Variants in ABHD16A observed in about 807,000 individuals in gnomAD.
The protein encoded by ABHD16A is abhydrolase domain containing 16A, phospholipase, also known as phosphatidylserine lipase ABHD16A.
ABHD16A carries 47 observed loss-of-function variants against 89.8 expected under a neutral mutation model. That is an observed-to-expected ratio of 0.52 (90% confidence interval 0.41 to 0.67). The LOEUF (loss-of-function observed/expected upper bound fraction) is 0.67. Ranked by LOEUF, ABHD16A falls within the 30% of genes least tolerant of loss-of-function variation. The pLI is 0.00. For missense variants in ABHD16A, 580 were observed against 734.6 expected (o/e 0.79, Z 2.43); for synonymous variants, 251 against 280.4 (o/e 0.90, Z 1.05).
In ABHD16A at chr6:31,689,139, GAAGAGT is replaced by G; in HGVS notation, c.1082-26_1082-21del. The G allele has an allele frequency of 6.2e-7, 1 of 1,605,550 alleles. No homozygotes were observed. The highest frequency in any genetic ancestry group is 1.1e-5 in the South Asian group (1 of 90,198). ...ACGTGGCTGGTACCAGGGCAGGGAA[GAAGAGT>G]AAGAACTGAGAAAGGCTCCTTTCTC... On this transcript the variant is annotated intron_variant, in intron 12 of 19. Transcript: ENST00000395952.
At position 31,688,341 on chromosome 6, in the gene ABHD16A, G is replaced by T; in HGVS notation, c.1251-36C>A. 1 of 1,605,220 alleles carries T rather than the reference G, an allele frequency of 6.2e-7. No individual in the cohort carries two copies. Among genetic ancestry groups the T allele is most frequent in the Non-Finnish European group, 8.5e-7 (1 of 1,172,106 alleles). ...CAGAGCAGTGGGAAGGGAGAGCTCA[G>T]AGGGAGACGGGTGACAACTGGCCCA... On this transcript the variant is annotated intron_variant, in intron 14 of 19. Coordinates refer to ENST00000395952, the MANE Select transcript of ABHD16A (RefSeq NM_021160.3). The surrounding 1 kb of genome is among the most constrained non-coding windows in gnomAD (Gnocchi z 4.9).
Position 31,702,710 on chromosome 6 carries a change from T to C in ABHD16A, c.132+440A>G. The C allele has an allele frequency of 2.6e-6, 4 of 1,544,004 alleles. No homozygotes were observed. In the Admixed American group the frequency reaches 6.0e-5, roughly 23 times the overall value. The stretch of plus-strand genomic sequence containing the variant: ...CCGACGGATACAGGATCTGTAAAAG[T>C]CATTCTGAAATTCAAGGCGAGGGTA... On this transcript the variant is annotated intron_variant, in intron 1 of 19. Coordinates refer to ENST00000395952, the MANE Select transcript of ABHD16A (RefSeq NM_021160.3).
At chr6:31,700,351 C>T (rs1804836424) in intron 4 of ABHD16A, among the ~76,000 whole-genome samples, 1 of 151,930 alleles carries the variant, frequency 6.6e-6, no homozygotes, top group Non-Finnish European at 1.5e-5. Flanking sequence ...GTCTCAAATT[C>T]CTGACCTCGT....
intron 1 of ABHD16A, chr6:31,702,949 G>T: frequency 7.7e-7 from 1 of 1,295,172 alleles, no homozygotes. Flanking sequence ...ATGAGAAAGC[G>T]GTAAAGAGCG....
At chr6:31,696,497 G>C (rs1424234173) in intron 5 of ABHD16A, among the ~76,000 whole-genome samples, 1 of 151,980 alleles carries the variant, frequency 6.6e-6, no homozygotes, top group Admixed American at 6.6e-5. Context: ...GAGGGTGTGG[G>C]TGGTGCGTGC....
At chr6:31,702,542 G>A in intron 1 of ABHD16A, 2 of 1,312,428 alleles carry the variant, frequency 1.5e-6, no homozygotes, top group South Asian at 3.5e-5. Flanking sequence ...GTAGGAGCGG[G>A]CAGTTTGTAG....
chr6:31,700,778 TC>T (rs59783939), intron 4 of ABHD16A, among the ~76,000 whole-genome samples, 163 bp downstream of exon 4: 15,057 of 151,900 alleles, frequency 0.099, 881 homozygotes, highest in African/African-American at 0.15. Context: ...AGTTATTTTT[TC>T]ATATTTATAA....
Position 31,690,204 on chromosome 6 carries a change from G to T in ABHD16A, c.908-77C>A. ...TCCATCCCTGGGGGAAGGAAGAGCA[G>T]AAGTACCCCCCAGCTTAGATGCAAA... On this transcript the variant is annotated intron_variant, in intron 10 of 19. Transcript: ENST00000395952. The surrounding 1 kb of genome is among the most constrained non-coding windows in gnomAD (Gnocchi z 4.1). 7.3e-7 allele frequency: 1 copy of T among 1,377,612 alleles called. No individual in the cohort carries two copies. The highest frequency in any genetic ancestry group is 9.9e-7 in the Non-Finnish European group (1 of 1,010,218). 85.3% of individuals were successfully genotyped at this position (1,377,612 alleles called of 1,614,324 possible).
Position 31,693,197 on chromosome 6 carries a change from C to T in ABHD16A, c.504-48G>A. Reference sequence around the variant, plus strand: ...GAAGGATAGGGTCAGGAGCAGCAAGCTGGATGTCTGAGGTCTGGAGAACAG... The same window carrying T: ...GAAGGATAGGGTCAGGAGCAGCAAGTTGGATGTCTGAGGTCTGGAGAACAG... On this transcript the variant is annotated intron_variant, in intron 6 of 19. Transcript: ENST00000395952. The surrounding 1 kb of genome is among the most constrained non-coding windows in gnomAD (Gnocchi z 5.0). 6.3e-7 allele frequency: 1 copy of T among 1,598,778 alleles called. No homozygotes were observed.
chr6:31,701,212 G>A, intron 3 of ABHD16A, 62 bp downstream of exon 3: 1 of 1,516,682 alleles, frequency 6.6e-7, no homozygotes. Flanking sequence ...TCTTTAGGGA[G>A]CTGGCTCATC....
chr6:31,699,825 C>T (rs1476017529), intron 4 of ABHD16A, among the ~76,000 whole-genome samples: 3 of 152,008 alleles, frequency 2.0e-5, no homozygotes, highest in African/African-American at 7.2e-5. Flanking sequence ...CTCACTGCAA[C>T]CTCTGCCTCT....
Position 31,690,718 on chromosome 6 carries a change from C to A in ABHD16A, c.844-116G>T. 5 of 887,104 alleles carry A rather than the reference C, an allele frequency of 5.6e-6. No individual in the cohort carries two copies. Among genetic ancestry groups the A allele is most frequent in the Non-Finnish European group, 9.2e-6 (5 of 543,398 alleles). The allele number at this position is 887,104 out of a possible 1,614,324, so 55.0% of individuals were successfully genotyped here. A position where few individuals can be genotyped will look rare whatever the true frequency, so the allele number is the denominator to read the frequency against. ...GCAGGGAAGAGGAAAGGGCAGGTTTCTGTTTTCTCCAAGGGGAATGGAAGC... is the reference window on the plus strand; with the variant it reads ...GCAGGGAAGAGGAAAGGGCAGGTTTATGTTTTCTCCAAGGGGAATGGAAGC... On this transcript the variant is annotated intron_variant, in intron 9 of 19. Transcript: ENST00000395952. The surrounding 1 kb of genome is among the most constrained non-coding windows in gnomAD (Gnocchi z 4.1).
chr6:31,690,275 G>A lies in ABHD16A; in HGVS notation c.908-148C>T. ...AATAGGAGATGACACCAGAGGTTCT[G>A]AGGCAGCACAGGGAGCAGCATGTGA... On this transcript the variant is annotated intron_variant, in intron 10 of 19. Coordinates refer to ENST00000395952, the MANE Select transcript of ABHD16A (RefSeq NM_021160.3). The surrounding 1 kb of genome is among the most constrained non-coding windows in gnomAD (Gnocchi z 4.1). The A allele has an allele frequency of 1.3e-6, 1 of 779,488 alleles. No individual in the cohort carries two copies. The highest frequency in any genetic ancestry group is 2.0e-6 in the Non-Finnish European group (1 of 491,460). The allele number at this position is 779,488 out of a possible 1,614,324, so 48.3% of individuals were successfully genotyped here.
chr6:31,688,360 T>A lies in ABHD16A; in HGVS notation c.1251-55A>T. The A allele has an allele frequency of 3.2e-6, 5 of 1,546,548 alleles. No individual in the cohort carries two copies. The highest frequency in any genetic ancestry group is 4.5e-6 in the Non-Finnish European group (5 of 1,119,330). ...AGCTCAGAGGGAGACGGGTGACAACTGGCCCACCCCTATCCCTGCACTGGT... is the reference window on the plus strand; with the variant it reads ...AGCTCAGAGGGAGACGGGTGACAACAGGCCCACCCCTATCCCTGCACTGGT... On this transcript the variant is annotated intron_variant, in intron 14 of 19. Transcript: ENST00000395952. This position sits in a 1 kb window ranked among gnomAD's most constrained non-coding sequence, Gnocchi z 4.9.
intron 4 of ABHD16A, 41 bp from the exon 5 acceptor site, chr6:31,697,074 GA>G: frequency 6.4e-7 from 1 of 1,558,870 alleles, no homozygotes; most frequent in South Asian, 1.1e-5. Context: ...GGAAAACTGG[GA>G]AGCAGAAAGC....
Position 31,691,820 on chromosome 6 carries a change from G to A in ABHD16A, c.725C>T (p.Ala242Val). Residue 242 changes from alanine to valine, a missense_variant, in exon 8 of 20, where the codon GCC (alanine) becomes GTC (valine). By Grantham distance (64) the Ala-to-Val change is moderately conservative (BLOSUM62 0). This residue lies in a region of ABHD16A where 415 missense variants were observed against 568.8 expected (regional missense o/e 0.73). Coordinates refer to ENST00000395952, the MANE Select transcript of ABHD16A (RefSeq NM_021160.3). ...ALMPVLLQGQ[A>V]RLVEECNGRR... is the part of the protein sequence containing the mutation. ...AAGCCTCACCTCTTCCACCAGTCGG[G>A]CCTGGCCCTGCAGCAGCACAGGCAT... is the stretch of plus-strand genomic sequence containing the variant. 6.2e-7 allele frequency: 1 copy of A among 1,610,192 alleles called. No individual in the cohort carries two copies. The highest frequency in any genetic ancestry group is 8.5e-7 in the Non-Finnish European group (1 of 1,178,808).
At position 31,698,710 on chromosome 6, in the gene ABHD16A, T is replaced by C. The variant is rs1349666193; in HGVS notation, c.344-1677A>G. ...ATAAAATAAAAAACTAAGACAAAAC[T>C]GAGCAGTGGGAGCTACTTTTAGACA... On this transcript the variant is annotated intron_variant, in intron 4 of 19. Coordinates refer to ENST00000395952, the MANE Select transcript of ABHD16A (RefSeq NM_021160.3). The surrounding 1 kb of genome is among the most constrained non-coding windows in gnomAD (Gnocchi z 4.1). Among the ~76,000 whole-genome samples, 3 of 152,078 alleles carry C rather than the reference T, an allele frequency of 2.0e-5. No homozygotes were observed. Among genetic ancestry groups the C allele is most frequent in the Non-Finnish European group, 4.4e-5 (3 of 68,032 alleles).
At position 31,691,594 on chromosome 6, in the gene ABHD16A, G is replaced by A. The variant is rs372618029; in HGVS notation, c.828C>T (p.Pro276=). 2.5e-6 allele frequency: 4 copies of A among 1,612,936 alleles called. No individual in the cohort carries two copies. The highest frequency in any genetic ancestry group is 4.5e-5 in the East Asian group (2 of 44,876). Residue 276 remains proline (P), a synonymous_variant, in exon 9 of 20, where the codon CCC becomes CCT. Coordinates refer to ENST00000395952, the MANE Select transcript of ABHD16A (RefSeq NM_021160.3). ...TCCCTCTTACCAGCTTCTGTCCCTG[G>A]GGCTCAGCTGTCCCCCGCCGGTCCA... is the stretch of plus-strand genomic sequence containing the variant. ...MFVDRRGTAE[P]QGQKLVICCE...
In ABHD16A at chr6:31,693,117, C is replaced by T. The variant is rs1431160297; in HGVS notation, c.536G>A (p.Gly179Asp). The T allele has an allele frequency of 1.5e-5, 25 of 1,613,874 alleles. No homozygotes were observed. The highest frequency in any genetic ancestry group is 2.2e-5 in the East Asian group (1 of 44,892). Reference protein sequence around the residue: ...KESRGGPSRRGVALLRPEPLH... With the variant: ...KESRGGPSRRDVALLRPEPLH... ...GGGCTCTGGGCGAAGCAGGGCCACA[C>T]CCCGGCGGGAAGGGCCCCCTCGAGA... Residue 179 changes from glycine (G) to aspartate (D), a missense_variant, in exon 7 of 20, where the codon GGT becomes GAT. Gly to Asp is a moderately conservative substitution (Grantham distance 94). Coordinates refer to ENST00000395952, the MANE Select transcript of ABHD16A (RefSeq NM_021160.3). This position sits in a 1 kb window ranked among gnomAD's most constrained non-coding sequence, Gnocchi z 5.0.
Sources: allele counts gnomAD v4.1 joint callset (sites outside exome capture counted in the v4.1 genomes callset), GRCh38; gene constraint gnomAD v4.1.1; regional missense constraint gnomAD v4.1.1; non-coding constraint Gnocchi (gnomAD v3.1); transcripts MANE v1.5; gene names NCBI Gene and HGNC (gene_info 2026-07-23, HGNC 2026-07-21).